SETBP1: variants seen among roughly 807,000 people sequenced by gnomAD.
SETBP1 encodes SET binding protein 1.
SETBP1 carries 9 observed loss-of-function variants against 101.0 expected under a neutral mutation model. The observed-to-expected ratio is 0.09, with a 90% confidence interval of 0.05 to 0.16. The LOEUF is 0.16. Among genes scored for constraint, SETBP1 ranks in the 10% least tolerant of loss-of-function variants. SETBP1 has a pLI of 1.00. For missense variants in SETBP1, 1,858 were observed against 2,033.8 expected, an observed-to-expected ratio of 0.91 and a Z score of 1.66; for synonymous variants, 818 against 788.5, an observed-to-expected ratio of 1.04 and a Z score of -0.63.
At chr18:44,910,600 G>A (rs1268807361) in intron 3 of SETBP1, among the ~76,000 whole-genome samples, 1 of 152,102 alleles carries the variant, frequency 6.6e-6, no homozygotes, top group Non-Finnish European at 1.5e-5. Flanking sequence ...CAGCATCCTG[G>A]GTCTCCATTA....
chr18:45,026,797 CAT>C (rs1491126175), intron 4 of SETBP1, among the ~76,000 whole-genome samples: 195 of 145,830 alleles, frequency 1.3e-3, no homozygotes, highest in Non-Finnish European at 2.2e-3. Context: ...CCTTCTGTAG[CAT>C]GTGTGTGTGT....
chr18:44,771,706 G>T (rs779024187), intron 2 of SETBP1, among the ~76,000 whole-genome samples: 4 of 152,172 alleles, frequency 2.6e-5, no homozygotes, highest in Non-Finnish European at 4.4e-5. Context: ...GAAGGTGGAG[G>T]CAGGGTTGTG....
At chr18:45,028,512 T>C (rs2073219842) in intron 4 of SETBP1, among the ~76,000 whole-genome samples, 1 of 152,148 alleles carries the variant, frequency 6.6e-6, no homozygotes, top group African/African-American at 2.4e-5. Context: ...TTATAGTCCT[T>C]TGGGTATATA....
At chr18:44,986,452 T>C (rs1337360694) in intron 4 of SETBP1, 1 of 152,142 alleles carries the variant, frequency 6.6e-6, no homozygotes, top group Non-Finnish European at 1.5e-5. Flanking sequence ...TATAAAAAAA[T>C]TTCTTTCTTC....
At chr18:44,712,279 G>A (rs2069364403) in intron 2 of SETBP1, among the ~76,000 whole-genome samples, 1 of 152,222 alleles carries the variant, frequency 6.6e-6, no homozygotes, top group Non-Finnish European at 1.5e-5. Context: ...ATTCTTAAAA[G>A]GAGATAGAGA....
chr18:44,928,662 G>C (rs1247397938), intron 3 of SETBP1, among the ~76,000 whole-genome samples: 2 of 152,200 alleles, frequency 1.3e-5, no homozygotes, highest in Non-Finnish European at 2.9e-5. Flanking sequence ...GTTTTGATTT[G>C]CATTTCTCTG....
chr18:45,068,346 C>G lies in SETBP1; in HGVS notation c.*4648C>G, dbSNP rs886053820. 1 of 151,656 alleles carries G rather than the reference C, an allele frequency of 6.6e-6. No individual in the cohort carries two copies. Among genetic ancestry groups the G allele is most frequent in the African/African-American group, 2.4e-5 (1 of 41,248 alleles). 9.4% of individuals were successfully genotyped at this position (151,656 alleles called of 1,614,324 possible). ...GCTTACTGTCATGCTCCTCCATGGT[C>G]TTAGATGTTGGGTTTTAAACATTTT... On this transcript the variant is annotated 3_prime_UTR_variant, in exon 6 of 6. Coordinates refer to ENST00000649279, the MANE Select transcript of SETBP1 (RefSeq NM_015559.3).
chr18:44,756,712 A>G (rs1476802311), intron 2 of SETBP1, among the ~76,000 whole-genome samples: 2 of 152,136 alleles, frequency 1.3e-5, no homozygotes, highest in African/African-American at 2.4e-5. Flanking sequence ...TGCTAAGCTC[A>G]TTAACCTCCT....
intron 3 of SETBP1, among the ~76,000 whole-genome samples, chr18:44,892,243 T>C (rs2069788324): frequency 6.6e-6 from 1 of 152,122 alleles, no homozygotes; most frequent in Non-Finnish European, 1.5e-5. Flanking sequence ...CCACTATGGA[T>C]GAGAAGTTGC....
At chr18:44,929,034 G>T (rs181085843) in intron 3 of SETBP1, among the ~76,000 whole-genome samples, 239 of 152,224 alleles carry the variant, frequency 1.6e-3, no homozygotes, top group Middle Eastern at 6.8e-3. Context: ...GTATTGCCTA[G>T]GTTTTCTTCT....
At chr18:45,056,721 G>C (rs891783628) in intron 5 of SETBP1, among the ~76,000 whole-genome samples, 1 of 152,098 alleles carries the variant, frequency 6.6e-6, no homozygotes, top group Non-Finnish European at 1.5e-5. Context: ...GCTGCCCTGG[G>C]GCACTAACTG....
At chr18:44,819,981 C>T (rs1331575354) in intron 2 of SETBP1, among the ~76,000 whole-genome samples, 4 of 152,202 alleles carry the variant, frequency 2.6e-5, no homozygotes, top group African/African-American at 7.2e-5. Context: ...TTGCTGTACA[C>T]GTCATCATTG....
chr18:44,755,356 T>G (rs2070468310), intron 2 of SETBP1, among the ~76,000 whole-genome samples: 1 of 152,202 alleles, frequency 6.6e-6, no homozygotes, highest in Non-Finnish European at 1.5e-5. Context: ...GTCCGTGGAC[T>G]GAGAGGAAGA....
In SETBP1 at chr18:44,953,098, G is replaced by A. The variant is rs1160727045; in HGVS notation, c.3758G>A (p.Ser1253Asn). Residue 1253 changes from serine to asparagine, a missense_variant, in exon 4 of 6, where the codon AGT becomes AAT. Ser to Asn is a conservative substitution (Grantham distance 46). Around this residue, in one of 12 missense-constraint regions of SETBP1, gnomAD observed 417 missense variants for 389.1 expected, o/e 1.07. Transcript: ENST00000649279. Reference sequence around the variant, plus strand: ...GCCAAGGAAAAAGGAGACTTGAGCAGTGAGCCTGTGGACTCATGCACGAAA... The same window carrying A: ...GCCAAGGAAAAAGGAGACTTGAGCAATGAGCCTGTGGACTCATGCACGAAA... The part of the protein sequence containing the change: ...TQAKEKGDLS[S>N]EPVDSCTKRY... The A allele has an allele frequency of 6.2e-7, 1 of 1,614,216 alleles. No individual in the cohort carries two copies. The highest frequency in any genetic ancestry group is 8.5e-7 in the Non-Finnish European group (1 of 1,180,044).
intron 2 of SETBP1, among the ~76,000 whole-genome samples, chr18:44,763,284 G>C (rs900231180): frequency 6.6e-6 from 1 of 152,222 alleles, no homozygotes; most frequent in Non-Finnish European, 1.5e-5. Context: ...GGTCATGGAA[G>C]TCAAACTTTG....
At chr18:44,712,114 A>G (rs1054105503) in intron 2 of SETBP1, among the ~76,000 whole-genome samples, 4 of 152,114 alleles carry the variant, frequency 2.6e-5, no homozygotes, top group Non-Finnish European at 4.4e-5. Flanking sequence ...CCATTTGATA[A>G]TCATCATTAG....
chr18:45,023,881 T>TA (rs2073116739), intron 4 of SETBP1, among the ~76,000 whole-genome samples: 2 of 152,188 alleles, frequency 1.3e-5, no homozygotes, highest in African/African-American at 2.4e-5. Flanking sequence ...GTTACACTTT[T>TA]AAAAAATAAG....
At chr18:45,045,865 GT>G (rs1000989456) in intron 5 of SETBP1, among the ~76,000 whole-genome samples, 5 of 152,076 alleles carry the variant, frequency 3.3e-5, no homozygotes, top group Non-Finnish European at 7.4e-5. Context: ...TATTGTTGAT[GT>G]TGTCTGTTTT....
At chr18:44,796,777 A>G (rs1286762256) in intron 2 of SETBP1, among the ~76,000 whole-genome samples, 1 of 152,132 alleles carries the variant, frequency 6.6e-6, no homozygotes, top group Non-Finnish European at 1.5e-5. Context: ...AAGTGACATG[A>G]TTTCAGAACT....
Sources: gnomAD v4.1 joint callset for allele counts (sites outside exome capture counted in the v4.1 genomes callset) on GRCh38, gnomAD v4.1.1 for gene constraint, gnomAD v4.1.1 regional missense constraint, MANE v1.5 for transcripts, NCBI Gene and HGNC (gene_info 2026-07-23, HGNC 2026-07-21) for gene names.